The following VIPR2 variants were observed in gnomAD, a reference collection of about 807,000 sequenced individuals.
The protein encoded by VIPR2 is vasoactive intestinal peptide receptor 2.
In VIPR2, 48 loss-of-function variants were observed where a neutral mutation model predicts 58.0. That is an observed-to-expected ratio of 0.83 (90% CI 0.66 to 1.05). The LOEUF is 1.05. VIPR2 is among the 50% of genes least tolerant of loss of function. VIPR2 has a pLI of 0.00. For synonymous variants in VIPR2, 243 were observed against 235.2 expected, an observed-to-expected ratio of 1.03 and a Z score of -0.30; for missense variants, 534 against 558.0, an observed-to-expected ratio of 0.96 and a Z score of 0.43.
chr7:159,084,552 G>A (rs1225751591), intron 4 of VIPR2, among the ~76,000 whole-genome samples: 3 of 152,172 alleles, frequency 2.0e-5, no homozygotes, highest in East Asian at 1.9e-4. Flanking sequence ...CGCCGGGCAC[G>A]GGATTCAGGG....
In VIPR2 at chr7:159,097,300, G is replaced by T; in HGVS notation, c.357+6457C>A. ...GTGGCGTAACACGGAAGAAATGTGT[G>T]CACTTGAAGCATGGGGAGGCCGAAA... On this transcript the variant is annotated intron_variant, in intron 4 of 12. Coordinates refer to ENST00000262178, the MANE Select transcript of VIPR2 (RefSeq NM_003382.5). This position sits in a 1 kb window ranked among gnomAD's most constrained non-coding sequence, Gnocchi z 5.3. The T allele has an allele frequency of 7.6e-7, 1 of 1,317,868 alleles. No homozygotes were observed. Among genetic ancestry groups the T allele is most frequent in the Non-Finnish European group, 9.7e-7 (1 of 1,029,798 alleles). 81.6% of individuals were successfully genotyped at this position (1,317,868 alleles called of 1,614,324 possible). A position where few individuals can be genotyped will look rare whatever the true frequency, so the allele number is the denominator to read the frequency against.
chr7:159,113,617 TGA>T (rs1796125556), intron 2 of VIPR2, among the ~76,000 whole-genome samples: 1 of 151,978 alleles, frequency 6.6e-6, no homozygotes, highest in Non-Finnish European at 1.5e-5. Context: ...GCCTAATTAT[TGA>T]GAGGTAGGTG....
intron 10 of VIPR2, 94 bp from the exon 11 acceptor site, chr7:159,032,161 G>T: frequency 6.5e-7 from 1 of 1,538,970 alleles, no homozygotes; most frequent in Non-Finnish European, 8.8e-7. Context: ...AGCTGGGTGT[G>T]GGAGGGGCTC....
chr7:159,129,047 C>T lies in VIPR2; in HGVS notation c.151+13399G>A, dbSNP rs539562289. 1.0e-3 allele frequency among the ~76,000 whole-genome samples: 160 copies of T among 152,388 alleles called. 1 individual carries two copies. The highest frequency in any genetic ancestry group is 3.5e-3 in the African/African-American group (145 of 41,584). On this transcript the variant is annotated intron_variant, in intron 2 of 12. Transcript: ENST00000262178. ...GTGGTCTTGGGGGCAATGGCACGCA[C>T]GTCTGCAGCTGTAAGAAGAACCCGT... is the stretch of plus-strand genomic sequence containing the variant.
chr7:159,107,094 C>T (rs991536866), intron 3 of VIPR2, among the ~76,000 whole-genome samples: 2 of 152,146 alleles, frequency 1.3e-5, no homozygotes, highest in South Asian at 4.1e-4. Context: ...GGCTTCAGTG[C>T]TTCTCAGCGA....
chr7:159,034,102 A>T, intron 10 of VIPR2, 111 bp downstream of exon 10: 1 of 1,002,930 alleles, frequency 1.0e-6, no homozygotes, highest in Non-Finnish European at 1.5e-6. Flanking sequence ...GAGGTGTGAC[A>T]GTGGCGGAGG....
rs957578311 is a variant in VIPR2 at position 159,093,446 on chromosome 7, C to G, written c.357+10311G>C. Among the ~76,000 whole-genome samples, 1 of 152,188 alleles carries G rather than the reference C, an allele frequency of 6.6e-6. No individual in the cohort carries two copies. The highest frequency in any genetic ancestry group is 2.4e-5 in the African/African-American group (1 of 41,446). On this transcript the variant is annotated intron_variant, in intron 4 of 12. Coordinates refer to ENST00000262178, the MANE Select transcript of VIPR2 (RefSeq NM_003382.5). The surrounding 1 kb of genome is among the most constrained non-coding windows in gnomAD (Gnocchi z 6.7). ...GGTGCTGGCGGGTGTGGCTGGAGCT[C>G]ACTCTCACTGCCGGAAGTGAGGAGC...
chr7:159,049,423 C>A (rs983954275), intron 5 of VIPR2, among the ~76,000 whole-genome samples: 2 of 152,154 alleles, frequency 1.3e-5, no homozygotes, highest in African/African-American at 4.8e-5. Flanking sequence ...CTGTGGGGAG[C>A]GCCTGGGCCC....
chr7:159,088,501 C>G (rs1368102491), intron 4 of VIPR2, among the ~76,000 whole-genome samples: 4 of 152,182 alleles, frequency 2.6e-5, no homozygotes, highest in Non-Finnish European at 2.9e-5. Flanking sequence ...ATACCACACA[C>G]AAGCTGCAGC....
chr7:159,129,760 C>A, intron 2 of VIPR2, among the ~76,000 whole-genome samples: 1 of 144,002 alleles, frequency 6.9e-6, no homozygotes, highest in South Asian at 2.3e-4. Context: ...CAGCTTCACA[C>A]TCTGTTCCCT....
intron 4 of VIPR2, among the ~76,000 whole-genome samples, chr7:159,075,716 A>G (rs1056851666): frequency 4.1e-5 from 6 of 146,038 alleles, no homozygotes; most frequent in Non-Finnish European, 7.4e-5. Context: ...ATCAATGAGT[A>G]GCCCAGGGCC....
intron 2 of VIPR2, 120 bp downstream of exon 2, chr7:159,142,326 C>T (rs1012556507): frequency 1.7e-5 from 12 of 715,464 alleles, no homozygotes; most frequent in Non-Finnish European, 2.8e-5. Flanking sequence ...TGGGAAGTGG[C>T]CTTTCTTTTT....
intron 4 of VIPR2, among the ~76,000 whole-genome samples, chr7:159,072,369 ATAAAAT>A (rs1355156420): frequency 2.0e-5 from 3 of 152,260 alleles, no homozygotes; most frequent in East Asian, 3.8e-4. Context: ...AACTCAAAAA[ATAAAAT>A]TAAAACTAGA....
Position 159,034,295 on chromosome 7 carries a change from C to A in VIPR2, c.889G>T (p.Val297Phe), listed in dbSNP as rs759659222. ...PILISIIVNFVLFISIIRILL... is the reference protein window; with the variant it reads ...PILISIIVNFFLFISIIRILL... ...ATTCGTATAATACTAATGAAAAGGA[C>A]AAAATTGACCTGCACAAGAGATAAT... Residue 297 changes from valine to phenylalanine, a missense_variant, in exon 10 of 13, where the codon GTC becomes TTC. Val to Phe is a conservative substitution (Grantham distance 50). Transcript: ENST00000262178. 6.2e-7 allele frequency: 1 copy of A among 1,613,846 alleles called. No homozygotes were observed. The highest frequency in any genetic ancestry group is 1.7e-5 in the Admixed American group (1 of 60,024).
At chr7:159,110,604 C>T (rs773248515) in intron 2 of VIPR2, among the ~76,000 whole-genome samples, 1 of 151,994 alleles carries the variant, frequency 6.6e-6, no homozygotes, top group Non-Finnish European at 1.5e-5. Flanking sequence ...CCTACTTGTC[C>T]ATGGTATTTA....
chr7:159,112,224 A>G (rs1175251438), intron 2 of VIPR2, among the ~76,000 whole-genome samples: 2 of 152,230 alleles, frequency 1.3e-5, no homozygotes, highest in Non-Finnish European at 2.9e-5. Context: ...TGGCCAGGGA[A>G]AGTCTTCTCT....
chr7:159,031,935 T>C lies in VIPR2; in HGVS notation c.1101+3A>G, dbSNP rs751992515. 1.2e-5 allele frequency: 19 copies of C among 1,614,006 alleles called. No homozygotes were observed. Among genetic ancestry groups the C allele is most frequent in the Admixed American group, 1.7e-5 (1 of 60,010 alleles). On this transcript the variant is annotated splice_donor_region_variant and intron_variant, in intron 11 of 12. Transcript: ENST00000262178. The surrounding 1 kb of genome is among the most constrained non-coding windows in gnomAD (Gnocchi z 4.0). ...GGGAGGGCGGCCGCCTCCGCACACC[T>C]ACCTGGAACGACCCGAGGCACAGCT...
chr7:159,036,412 C>T (rs1309777529), intron 7 of VIPR2, among the ~76,000 whole-genome samples: 1 of 152,134 alleles, frequency 6.6e-6, no homozygotes, highest in Admixed American at 6.6e-5. Context: ...GCAAGGCTTC[C>T]GCTACCTGGT....
intron 1 of VIPR2, chr7:159,144,423 T>C (rs1563364816): frequency 6.5e-7 from 1 of 1,546,978 alleles, no homozygotes; most frequent in Non-Finnish European, 8.7e-7. Context: ...AACGAGCTCA[T>C]CGTTGACGCG....
Sources: gnomAD v4.1 joint callset for allele counts (sites outside exome capture counted in the v4.1 genomes callset) on GRCh38, gnomAD v4.1.1 for gene constraint, Gnocchi (gnomAD v3.1) non-coding constraint, MANE v1.5 for transcripts, NCBI Gene and HGNC (gene_info 2026-07-23, HGNC 2026-07-21) for gene names.